The following RBL1 variants were observed in gnomAD, a reference collection of about 807,000 sequenced individuals.
The protein encoded by RBL1 is retinoblastoma-like protein 1.
RBL1 carries 82 observed loss-of-function variants against 123.0 expected under a neutral mutation model. That is an observed-to-expected ratio of 0.67 (90% CI 0.56 to 0.80). The LOEUF is 0.80. Among genes scored for constraint, RBL1 ranks in the 30% least tolerant of loss-of-function variants. The pLI, the probability that RBL1 is intolerant of heterozygous loss-of-function variation, is 0.00. For missense variants in RBL1, 1,171 were observed against 1,299.6 expected (o/e 0.90, Z 1.52); for synonymous variants, 405 against 441.3 (o/e 0.92, Z 1.03).
chr20:37,055,576 T>G lies in RBL1; in HGVS notation c.1444A>C (p.Arg482=). 2 of 1,614,156 alleles carry G rather than the reference T, an allele frequency of 1.2e-6. No homozygotes were observed. ...ACTGACATGTCCATTCCATGAAGTC[T>G]TCGTGTTTCCTGAACCATTACAGTC... ...LETVMVQETR[R]LHGMDMSVLL... Residue 482 remains arginine, a synonymous_variant, in exon 11 of 22, where the codon AGA becomes CGA. Transcript: ENST00000373664.
intron 11 of RBL1, among the ~76,000 whole-genome samples, chr20:37,052,889 G>C (rs1376643711): frequency 2.6e-5 from 4 of 152,112 alleles, no homozygotes; most frequent in Admixed American, 2.0e-4. Flanking sequence ...TGATCCACCT[G>C]CCTCAGTCTC....
At chr20:37,001,288 T>C (rs981671021) in intron 21 of RBL1, among the ~76,000 whole-genome samples, 1 of 151,944 alleles carries the variant, frequency 6.6e-6, no homozygotes, top group Non-Finnish European at 1.5e-5. Context: ...GAACCGGCCA[T>C]GATGACAATG....
intron 21 of RBL1, among the ~76,000 whole-genome samples, chr20:36,999,694 G>A (rs1292492019): frequency 6.6e-6 from 1 of 152,242 alleles, no homozygotes; most frequent in African/African-American, 2.4e-5. Flanking sequence ...GGGTTTCGCT[G>A]TGTTGGCCGG....
chr20:37,061,386 A>T, intron 8 of RBL1, 117 bp from the exon 9 acceptor site: 1 of 1,381,322 alleles, frequency 7.2e-7, no homozygotes, highest in Non-Finnish European at 9.5e-7. Context: ...TGAAATTTTT[A>T]GCAATACTAT....
chr20:37,067,379 A>G, intron 3 of RBL1, 82 bp from the exon 4 acceptor site: 2 of 1,036,958 alleles, frequency 1.9e-6, no homozygotes, highest in Non-Finnish European at 2.8e-6. Flanking sequence ...TAAATATCAA[A>G]TAGATCAAAT....
chr20:37,003,475 T>C, intron 21 of RBL1: 1 of 889,102 alleles, frequency 1.1e-6, no homozygotes, highest in Non-Finnish European at 1.4e-6. Context: ...CAGGAAAACA[T>C]GCTGGACTTT....
rs1291379708 is a variant in RBL1 at position 37,066,882 on chromosome 20, A to G, written c.688T>C (p.Leu230=). 1.2e-5 allele frequency: 20 copies of G among 1,613,608 alleles called. No homozygotes were observed. The highest frequency in any genetic ancestry group is 1.7e-5 in the Non-Finnish European group (20 of 1,179,802). Residue 230 remains leucine (L), a splice_region_variant and synonymous_variant, in exon 6 of 22, where the codon TTA becomes CTA. Transcript: ENST00000373664. ...TCAGCAGTATGAAAATCAGATGGTA[A>G]ACCTAGTTTGACAGTGTAGGAAGGG... ...QDLLNPSFKG[L]PSDFHTADFT...
At chr20:37,093,221 T>C (rs1293218536) in intron 1 of RBL1, among the ~76,000 whole-genome samples, 1 of 152,082 alleles carries the variant, frequency 6.6e-6, no homozygotes, top group Non-Finnish European at 1.5e-5. Flanking sequence ...AAAGACTTCT[T>C]AGGAAGCATG....
intron 20 of RBL1, among the ~76,000 whole-genome samples, chr20:37,006,520 T>G (rs541555029): frequency 6.6e-6 from 1 of 150,812 alleles, no homozygotes; most frequent in Non-Finnish European, 1.5e-5. Flanking sequence ...GAGAAAAACA[T>G]TAATCTCACA....
chr20:37,083,959 A>G (rs1315815129), intron 2 of RBL1, among the ~76,000 whole-genome samples: 1 of 142,450 alleles, frequency 7.0e-6, no homozygotes, highest in Non-Finnish European at 1.5e-5. Flanking sequence ...GCCTGGCTGG[A>G]GTAGAGTTGC....
At chr20:36,999,745 C>T (rs2063935714) in intron 21 of RBL1, among the ~76,000 whole-genome samples, 2 of 152,256 alleles carry the variant, frequency 1.3e-5, no homozygotes, top group East Asian at 1.9e-4. Flanking sequence ...CCGCCAGCCT[C>T]GGCCTCCCGA....
chr20:37,078,880 T>C (rs1211494927), intron 2 of RBL1, among the ~76,000 whole-genome samples: 7 of 148,974 alleles, frequency 4.7e-5, no homozygotes, highest in African/African-American at 1.7e-4. Context: ...TGGTCTTTTT[T>C]TGGGGGGCGG....
chr20:37,071,087 G>C (rs2065275239), intron 2 of RBL1, among the ~76,000 whole-genome samples: 1 of 151,886 alleles, frequency 6.6e-6, no homozygotes, highest in South Asian at 2.1e-4. Context: ...TAGAGACAAG[G>C]TTTCACCATG....
At chr20:37,082,742 A>C (rs2146327288) in intron 2 of RBL1, among the ~76,000 whole-genome samples, 1 of 152,278 alleles carries the variant, frequency 6.6e-6, no homozygotes, top group Admixed American at 6.5e-5. Context: ...CACCCCTGTA[A>C]TCCCTGCACT....
intron 19 of RBL1, among the ~76,000 whole-genome samples, chr20:37,013,587 A>T (rs867143239): frequency 6.1e-4 from 88 of 143,184 alleles, no homozygotes; most frequent in African/African-American, 1.1e-3. Flanking sequence ...ATGATCAATA[A>T]AAAAAAAAAA....
intron 11 of RBL1, 126 bp from the exon 12 acceptor site, chr20:37,047,316 TA>T: frequency 1.8e-6 from 2 of 1,133,680 alleles, no homozygotes; most frequent in Non-Finnish European, 1.2e-6. Flanking sequence ...TTACTGGAGA[TA>T]AAAATTTGAG....
intron 7 of RBL1, among the ~76,000 whole-genome samples, chr20:37,063,180 C>G (rs2065123127): frequency 6.6e-6 from 1 of 152,120 alleles, no homozygotes; most frequent in Non-Finnish European, 1.5e-5. Context: ...CAGGTTTAAG[C>G]AATTCTCCTG....
At chr20:37,035,959 G>C (rs1330197478) in intron 14 of RBL1, among the ~76,000 whole-genome samples, 1 of 152,186 alleles carries the variant, frequency 6.6e-6, no homozygotes, top group Non-Finnish European at 1.5e-5. Flanking sequence ...GGTAGCTCTG[G>C]CTTTCTAATT....
intron 14 of RBL1, among the ~76,000 whole-genome samples, chr20:37,036,245 T>A (rs2064608975): frequency 6.6e-6 from 1 of 152,192 alleles, no homozygotes; most frequent in Non-Finnish European, 1.5e-5. Flanking sequence ...AATTATTCCT[T>A]ACAGGTAGGT....
Sources: gnomAD v4.1 joint callset for allele counts (sites outside exome capture counted in the v4.1 genomes callset) on GRCh38, gnomAD v4.1.1 for gene constraint, MANE v1.5 for transcripts, NCBI Gene and HGNC (gene_info 2026-07-23, HGNC 2026-07-21) for gene names.